Variants in CRTAM observed in about 807,000 individuals in gnomAD.
CRTAM encodes the protein cytotoxic and regulatory T cell molecule.
A neutral mutation model predicts 50.0 loss-of-function variants in CRTAM; 44 were observed. The observed-to-expected ratio is 0.88, with a 90% CI of 0.69 to 1.13. The LOEUF (loss-of-function observed/expected upper bound fraction) is 1.13. CRTAM is among the 50% of genes most tolerant of loss of function. The pLI, the probability that CRTAM is intolerant of heterozygous loss-of-function variation, is 0.00. For missense variants in CRTAM, 448 were observed against 457.5 expected (o/e 0.98, Z 0.19); for synonymous variants, 159 against 169.3 (o/e 0.94, Z 0.47).
At chr11:122,842,843 C>T (rs1861815696) in intron 1 of CRTAM, among the ~76,000 whole-genome samples, 1 of 152,062 alleles carries the variant, frequency 6.6e-6, no homozygotes, top group South Asian at 2.1e-4. Flanking sequence ...TAGAATGGGG[C>T]AGGTGGCATA....
At chr11:122,868,191 T>C in intron 9 of CRTAM, 92 bp downstream of exon 9, 1 of 172,994 alleles carries the variant, frequency 5.8e-6, no homozygotes, top group Non-Finnish European at 8.9e-6. Flanking sequence ...ACAGAATATG[T>C]GTGTGTGTGT....
intron 1 of CRTAM, among the ~76,000 whole-genome samples, chr11:122,842,786 C>T (rs1326046066): frequency 6.6e-6 from 1 of 152,122 alleles, no homozygotes; most frequent in African/African-American, 2.4e-5. Context: ...TCTCAAATAT[C>T]TGGTGTGCAG....
At chr11:122,845,427 G>A (rs1246225118) in intron 1 of CRTAM, among the ~76,000 whole-genome samples, 1 of 152,082 alleles carries the variant, frequency 6.6e-6, no homozygotes, top group East Asian at 1.9e-4. Context: ...AGAGAGGGAA[G>A]GCAGGGCACG....
Position 122,860,851 on chromosome 11 carries a change from C to T in CRTAM, c.653-1613C>T, listed in dbSNP as rs115989765. On this transcript the variant is annotated intron_variant, in intron 5 of 9. Transcript: ENST00000227348. ...TCCTGAGTAGTTGGAACTACAGGGG[C>T]GCACCACCATGCCCAGCTATTTTTT... is the stretch of plus-strand genomic sequence containing the variant. Among the ~76,000 whole-genome samples the T allele has an allele frequency of 2.0e-3, 301 of 152,156 alleles. 3 individuals carry two copies. The highest frequency in any genetic ancestry group is 6.0e-3 in the African/African-American group (248 of 41,514).
chr11:122,863,369 AAAAG>A (rs1278107637), intron 6 of CRTAM, among the ~76,000 whole-genome samples: 8 of 149,414 alleles, frequency 5.4e-5, no homozygotes, highest in South Asian at 2.1e-4. Context: ...GAAAGAAAGA[AAAAG>A]AAAGAAAGAA....
At chr11:122,847,822 A>G (rs1861884228) in intron 1 of CRTAM, among the ~76,000 whole-genome samples, 1 of 152,212 alleles carries the variant, frequency 6.6e-6, no homozygotes, top group Non-Finnish European at 1.5e-5. Flanking sequence ...TTCTTTAATT[A>G]TTTGACCTTA....
At chr11:122,871,231 C>A in intron 9 of CRTAM, 38 bp from the exon 10 acceptor site, 3 of 1,571,644 alleles carry the variant, frequency 1.9e-6, no homozygotes, top group South Asian at 2.4e-5. Context: ...CAATGTTATT[C>A]AAAATAAATA....
chr11:122,845,226 A>G (rs1861848731), intron 1 of CRTAM, among the ~76,000 whole-genome samples: 1 of 152,204 alleles, frequency 6.6e-6, no homozygotes, highest in African/African-American at 2.4e-5. Context: ...GTGATCATAT[A>G]TGGCGAAGGA....
chr11:122,856,896 A>ACCC (rs1862014044), intron 5 of CRTAM, among the ~76,000 whole-genome samples: 1 of 147,594 alleles, frequency 6.8e-6, no homozygotes, highest in Non-Finnish European at 1.5e-5. Context: ...TTACACAACC[A>ACCC]CCCCCACCCC....
At chr11:122,852,522 A>G (rs1371459542) in intron 3 of CRTAM, among the ~76,000 whole-genome samples, 1 of 152,194 alleles carries the variant, frequency 6.6e-6, no homozygotes, top group Admixed American at 6.5e-5. Context: ...ATCATCTCAC[A>G]TATCACACAA....
intron 7 of CRTAM, among the ~76,000 whole-genome samples, chr11:122,865,332 G>A (rs780709340): frequency 6.6e-6 from 1 of 152,168 alleles, no homozygotes; most frequent in Non-Finnish European, 1.5e-5. Flanking sequence ...ACCGCGCCCG[G>A]CTGTTCTTCC....
At chr11:122,856,037 A>G (rs1862003022) in intron 5 of CRTAM, among the ~76,000 whole-genome samples, 181 bp downstream of exon 5, 2 of 149,068 alleles carry the variant, frequency 1.3e-5, no homozygotes, top group Admixed American at 6.7e-5. Flanking sequence ...AATTCCAACT[A>G]TTCCAATGTT....
chr11:122,845,025 G>A (rs1248665191), intron 1 of CRTAM, among the ~76,000 whole-genome samples: 1 of 152,216 alleles, frequency 6.6e-6, no homozygotes, highest in Non-Finnish European at 1.5e-5. Context: ...GATGAGGCCA[G>A]ATGAGATGAC....
In CRTAM at chr11:122,844,949, A is replaced by G. The variant is rs548091321; in HGVS notation, c.47-5119A>G. 1.5e-4 allele frequency among the ~76,000 whole-genome samples: 23 copies of G among 152,260 alleles called. No homozygotes were observed. In the South Asian group the frequency reaches 4.8e-3, roughly 32 times the overall value. On this transcript the variant is annotated intron_variant, in intron 1 of 9. Coordinates refer to ENST00000227348, the MANE Select transcript of CRTAM (RefSeq NM_019604.4). The stretch of plus-strand genomic sequence containing the variant: ...AAATCTAAAATAACACATTTGGGGG[A>G]AGAGAATCAAGAGTTTGTGTTGTAC...
At chr11:122,844,938 A>G (rs12099195) in intron 1 of CRTAM, among the ~76,000 whole-genome samples, 4,966 of 152,300 alleles carry the variant, frequency 0.033, 274 homozygotes, top group African/African-American at 0.11. Flanking sequence ...CTAAAATAAC[A>G]CATTTGGGGG....
At chr11:122,862,110 C>T (rs1862093025) in intron 5 of CRTAM, among the ~76,000 whole-genome samples, 3 of 152,064 alleles carry the variant, frequency 2.0e-5, no homozygotes, top group African/African-American at 7.2e-5. Context: ...GAGGCTGATT[C>T]CAAAGCCATC....
chr11:122,845,921 C>T (rs1448126324), intron 1 of CRTAM, among the ~76,000 whole-genome samples: 1 of 151,926 alleles, frequency 6.6e-6, no homozygotes, highest in Non-Finnish European at 1.5e-5. Flanking sequence ...AACTCCTGGC[C>T]TCAAGTGATC....
chr11:122,839,015 G>A (rs1470358293), intron 1 of CRTAM, among the ~76,000 whole-genome samples: 3 of 152,082 alleles, frequency 2.0e-5, no homozygotes, highest in Non-Finnish European at 2.9e-5. Context: ...TGCAAGCTCC[G>A]CCTCCCGGGT....
chr11:122,860,937 T>G (rs888275983), intron 5 of CRTAM, among the ~76,000 whole-genome samples: 22 of 152,166 alleles, frequency 1.4e-4, no homozygotes, highest in African/African-American at 5.3e-4. Context: ...GCTTAAGCAA[T>G]CTGCCTGCCT....
Sources: gnomAD v4.1 joint callset for allele counts (sites outside exome capture counted in the v4.1 genomes callset) on GRCh38, gnomAD v4.1.1 for gene constraint, MANE v1.5 for transcripts, NCBI Gene and HGNC (gene_info 2026-07-23, HGNC 2026-07-21) for gene names.